The following CLDN14 variants were observed in gnomAD, a reference collection of about 807,000 sequenced individuals.
CLDN14 encodes claudin-14.
A neutral mutation model predicts 2.1 loss-of-function variants in CLDN14; 2 were observed. The ratio of observed to expected loss-of-function variants is 0.96; its 90% CI spans 0.39 to 3.01. The LOEUF (loss-of-function observed/expected upper bound fraction) is 3.01. CLDN14 is among the 30% of genes most tolerant of loss of function. The pLI, the probability that CLDN14 is intolerant of heterozygous loss-of-function variation, is 0.09. For missense variants in CLDN14, 298 were observed against 328.0 expected, an observed-to-expected ratio of 0.91 and a Z score of 0.71; for synonymous variants, 136 against 154.4, an observed-to-expected ratio of 0.88 and a Z score of 0.88.
intron 1 of CLDN14, among the ~76,000 whole-genome samples, chr21:36,553,326 G>T (rs916898987): frequency 6.6e-6 from 1 of 152,140 alleles, no homozygotes; most frequent in African/African-American, 2.4e-5. Context: ...ATTTGGGAAG[G>T]GGGTAGATTT....
intron 1 of CLDN14, among the ~76,000 whole-genome samples, chr21:36,512,736 C>T (rs2087195934): frequency 1.3e-5 from 2 of 152,152 alleles, no homozygotes; most frequent in Non-Finnish European, 2.9e-5. Flanking sequence ...TGTGTGTATG[C>T]ACACGGCTGA....
intron 1 of CLDN14, among the ~76,000 whole-genome samples, chr21:36,565,890 C>T (rs1018384826): frequency 1.1e-4 from 17 of 152,228 alleles, no homozygotes; most frequent in Non-Finnish European, 2.1e-4. Context: ...AAGTTGATTA[C>T]AGACATTGGG....
intron 2 of CLDN14, among the ~76,000 whole-genome samples, chr21:36,493,652 A>G (rs953653356): frequency 6.6e-6 from 1 of 152,026 alleles, no homozygotes; most frequent in African/African-American, 2.4e-5. Flanking sequence ...GCGGCCGCAC[A>G]CTTGTCATAG....
At chr21:36,478,898 C>T (rs888291966) in intron 1 of CLDN14, among the ~76,000 whole-genome samples, 11 of 152,200 alleles carry the variant, frequency 7.2e-5, no homozygotes, top group African/African-American at 2.7e-4. Context: ...GAAGGATTAA[C>T]TCACGTCTCA....
intron 2 of CLDN14, among the ~76,000 whole-genome samples, chr21:36,485,187 G>T (rs1238233788): frequency 6.6e-6 from 1 of 151,324 alleles, no homozygotes; most frequent in Non-Finnish European, 1.5e-5. Context: ...CTATTTCTAT[G>T]ACTTGGAGTG....
At chr21:36,555,402 C>T (rs555899087) in intron 1 of CLDN14, among the ~76,000 whole-genome samples, 10 of 152,350 alleles carry the variant, frequency 6.6e-5, no homozygotes, top group South Asian at 2.1e-4. Flanking sequence ...ACGGGGTGCG[C>T]TGTTATGCTT....
rs190074455 is a variant in CLDN14, at chr21:36,535,215, C to T, written c.-219-24715G>A. 2.6e-3 allele frequency among the ~76,000 whole-genome samples: 396 copies of T among 152,226 alleles called. 1 individual carries two copies. Among genetic ancestry groups the T allele is most frequent in the African/African-American group, 4.7e-3 (197 of 41,526 alleles). ...GACCAGTCTGGACAACATGGCGAAA[C>T]GCTGTCTCTACTAAAAATACAAAAA... On this transcript the variant is annotated intron_variant, in intron 1 of 2. Coordinates refer to the CLDN14 transcript ENST00000342108.
upstream of CLDN14, among the ~76,000 whole-genome samples, chr21:36,484,515 A>T (rs2086876134): frequency 6.6e-6 from 1 of 152,112 alleles, no homozygotes; most frequent in South Asian, 2.1e-4. Context: ...CTCCTCTGAG[A>T]CTGGGTAGAT....
intron 1 of CLDN14, among the ~76,000 whole-genome samples, chr21:36,543,394 C>G (rs560407824): frequency 1.3e-5 from 2 of 152,076 alleles, no homozygotes; most frequent in East Asian, 3.8e-4. Context: ...ACATAGTTCC[C>G]GTATGAAGAT....
chr21:36,510,850 G>C (rs2087180290), intron 1 of CLDN14, among the ~76,000 whole-genome samples: 2 of 152,274 alleles, frequency 1.3e-5, no homozygotes, highest in African/African-American at 4.8e-5. Flanking sequence ...GGGGACGCCA[G>C]TAAAGGGCAG....
At chr21:36,574,849 T>C (rs1396276162) in intron 1 of CLDN14, among the ~76,000 whole-genome samples, 2 of 152,146 alleles carry the variant, frequency 1.3e-5, no homozygotes, top group Non-Finnish European at 2.9e-5. Context: ...ACATCCCTGT[T>C]ACATTTCTCT....
intron 1 of CLDN14, among the ~76,000 whole-genome samples, chr21:36,572,177 G>A (rs1427558186): frequency 1.3e-5 from 2 of 152,126 alleles, no homozygotes; most frequent in African/African-American, 4.8e-5. Flanking sequence ...GGCTTTTACT[G>A]CCTGTAGTTT....
intron 1 of CLDN14, among the ~76,000 whole-genome samples, chr21:36,465,857 G>A (rs1434193270): frequency 6.6e-6 from 1 of 152,242 alleles, no homozygotes; most frequent in Non-Finnish European, 1.5e-5. Flanking sequence ...AGGCTGAGTA[G>A]TGGTGGGAAG....
At chr21:36,554,818 A>G (rs915701972) in intron 1 of CLDN14, among the ~76,000 whole-genome samples, 14 of 151,894 alleles carry the variant, frequency 9.2e-5, no homozygotes, top group African/African-American at 3.4e-4. Flanking sequence ...AGTACTGATT[A>G]CCTCCCGCCC....
chr21:36,541,381 G>A (rs1043207388), intron 1 of CLDN14, among the ~76,000 whole-genome samples: 10 of 152,146 alleles, frequency 6.6e-5, no homozygotes, highest in Admixed American at 1.3e-4. Context: ...CAAGAGCCAA[G>A]TAACAAAAGG....
chr21:36,514,622 A>AGT (rs34558148), intron 1 of CLDN14, among the ~76,000 whole-genome samples: 2,515 of 33,648 alleles, frequency 0.075, 31 homozygotes, highest in Middle Eastern at 0.18. Context: ...CGTGAGAGAA[A>AGT]GTGTGTGTGT....
chr21:36,532,275 A>C (rs2087386878), intron 1 of CLDN14: 1 of 152,206 alleles, frequency 6.6e-6, no homozygotes, highest in Non-Finnish European at 1.5e-5. Context: ...GGATTTCCCA[A>C]GCCCTCCGGA....
intron 1 of CLDN14, among the ~76,000 whole-genome samples, chr21:36,467,529 C>T (rs759443896): frequency 8.1e-5 from 12 of 148,522 alleles, no homozygotes; most frequent in East Asian, 2.1e-4. Flanking sequence ...GGGGGTGGGA[C>T]GAGGCCACCC....
At chr21:36,489,093 G>C (rs2086930515) in intron 2 of CLDN14, among the ~76,000 whole-genome samples, 2 of 129,980 alleles carry the variant, frequency 1.5e-5, no homozygotes, top group Admixed American at 1.7e-4. Context: ...CTGGGCAACA[G>C]AGTGAGTGAG....
Sources: gnomAD v4.1 joint callset for allele counts (sites outside exome capture counted in the v4.1 genomes callset) on GRCh38, gnomAD v4.1.1 for gene constraint, MANE v1.5 for transcripts, NCBI Gene and HGNC (gene_info 2026-07-23, HGNC 2026-07-21) for gene names.